RFX1: variants seen among roughly 807,000 people sequenced by gnomAD.
RFX1 encodes the protein regulatory factor X1, also known as MHC class II regulatory factor RFX1.
A neutral mutation model predicts 119.6 loss-of-function variants in RFX1; 42 were observed. The ratio of observed to expected loss-of-function variants is 0.35; its 90% CI spans 0.27 to 0.45. The LOEUF (loss-of-function observed/expected upper bound fraction) is 0.45, where lower values mean the gene tolerates loss of function less well. RFX1 is among the 20% of genes least tolerant of loss of function. The pLI is 1.00. For synonymous variants in RFX1, 628 were observed against 618.5 expected (o/e 1.02, Z -0.23); for missense variants, 1,118 against 1,368.1 (o/e 0.82, Z 2.88).
upstream of RFX1, chr19:14,006,801 C>G (rs1159378902): frequency 6.6e-6 from 1 of 152,282 alleles, no homozygotes; most frequent in Non-Finnish European, 1.5e-5. Context: ...CTCTCTCGCT[C>G]GGTGGGCCAG....
rs1272268887 is a variant in RFX1, at chr19:13,986,612, T to G, written c.320-3017A>C. On this transcript the variant is annotated intron_variant, in intron 2 of 20. Transcript: ENST00000254325. The surrounding 1 kb of genome is among the most constrained non-coding windows in gnomAD (Gnocchi z 4.2). ...CTGCGAGCGAGCGTCTGCATCTATCTGCCGGAGATCGCCACTCTGGGCATG... is the reference window on the plus strand; with the variant it reads ...CTGCGAGCGAGCGTCTGCATCTATCGGCCGGAGATCGCCACTCTGGGCATG... Among the ~76,000 whole-genome samples, 1 of 152,136 alleles carries G rather than the reference T, an allele frequency of 6.6e-6. No homozygotes were observed. The highest frequency in any genetic ancestry group is 6.5e-5 in the Admixed American group (1 of 15,282).
chr19:13,979,582 G>A (rs781629377), intron 6 of RFX1, 40 bp from the exon 7 acceptor site: 2 of 1,468,924 alleles, frequency 1.4e-6, no homozygotes, highest in Non-Finnish European at 1.9e-6. Context: ...CCATGGCAAC[G>A]ATGGCCGTCA....
intron 9 of RFX1, among the ~76,000 whole-genome samples, chr19:13,971,292 C>T (rs1044098230): frequency 3.3e-5 from 5 of 152,002 alleles, no homozygotes; most frequent in South Asian, 2.1e-4. Flanking sequence ...ACTGAGATTG[C>T]GCCACTGCAC....
At chr19:14,005,173 A>G (rs1382274723) in intron 1 of RFX1, among the ~76,000 whole-genome samples, 1 of 152,196 alleles carries the variant, frequency 6.6e-6, no homozygotes, top group Admixed American at 6.6e-5. Flanking sequence ...CAAACCAGGA[A>G]ACATCAGGTC....
At chr19:13,984,202 C>T (rs867107775) in intron 2 of RFX1, among the ~76,000 whole-genome samples, 29 of 152,058 alleles carry the variant, frequency 1.9e-4, no homozygotes, top group Non-Finnish European at 3.2e-4. Flanking sequence ...GAACATGGTG[C>T]TCATCCCCTC....
chr19:13,987,264 A>G (rs2145604712), intron 2 of RFX1, among the ~76,000 whole-genome samples: 1 of 151,986 alleles, frequency 6.6e-6, no homozygotes, highest in African/African-American at 2.4e-5. Context: ...CTCTGAGGAC[A>G]GGGATTTATG....
Position 13,979,432 on chromosome 19 carries a change from G to A in RFX1, c.834+15C>T, listed in dbSNP as rs753926015. ...CAGCCCCTTTGCCCGTGGGGTAGGAGGGGGAGACACACACCTCTTGAGCCA... is the reference window on the plus strand; with the variant it reads ...CAGCCCCTTTGCCCGTGGGGTAGGAAGGGGAGACACACACCTCTTGAGCCA... On this transcript the variant is annotated intron_variant, in intron 7 of 20. Coordinates refer to ENST00000254325, the MANE Select transcript of RFX1 (RefSeq NM_002918.5). 3.2e-6 allele frequency: 5 copies of A among 1,540,314 alleles called. No individual in the cohort carries two copies. In the African/African-American group the frequency reaches 6.9e-5, roughly 21 times the overall value.
rs1252102675 is a variant in RFX1 at position 13,985,361 on chromosome 19, G to T, written c.320-1766C>A. 6.6e-6 allele frequency among the ~76,000 whole-genome samples: 1 copy of T among 152,128 alleles called. No individual in the cohort carries two copies. Among genetic ancestry groups the T allele is most frequent in the Non-Finnish European group, 1.5e-5 (1 of 68,026 alleles). On this transcript the variant is annotated intron_variant, in intron 2 of 20. Transcript: ENST00000254325. This position sits in a 1 kb window ranked among gnomAD's most constrained non-coding sequence, Gnocchi z 4.3. ...CCAGCTAATTTTTGTGGTTTTAGTA[G>T]AGACGGGGTTTTGCCATGTTGGCCA...
intron 8 of RFX1, among the ~76,000 whole-genome samples, chr19:13,973,825 T>C (rs1282460307): frequency 6.6e-6 from 1 of 151,980 alleles, no homozygotes; most frequent in Non-Finnish European, 1.5e-5. Context: ...ACAGTTGGTG[T>C]TCCACCATGT....
At chr19:13,996,831 C>A (rs1042328833) in intron 1 of RFX1, among the ~76,000 whole-genome samples, 1 of 148,012 alleles carries the variant, frequency 6.8e-6, no homozygotes, top group African/African-American at 2.5e-5. Flanking sequence ...TCAAGTGATT[C>A]TCCTGCCTCA....
At chr19:13,982,575 G>A (rs1448275104) in intron 4 of RFX1, among the ~76,000 whole-genome samples, 5 of 152,122 alleles carry the variant, frequency 3.3e-5, no homozygotes, top group East Asian at 1.9e-4. Flanking sequence ...AGACTGAGGC[G>A]GGCAGATCAC....
At chr19:14,005,869 C>T (rs2145655792) in intron 1 of RFX1, among the ~76,000 whole-genome samples, 1 of 151,844 alleles carries the variant, frequency 6.6e-6, no homozygotes, top group South Asian at 2.1e-4. Context: ...TGCCGACCTC[C>T]ACTCGCCGCG....
chr19:13,997,783 G>A (rs1408088350), intron 1 of RFX1, among the ~76,000 whole-genome samples: 1 of 152,160 alleles, frequency 6.6e-6, no homozygotes, highest in Non-Finnish European at 1.5e-5. Context: ...GGCAGGATGA[G>A]AAGCCGTTTG....
Position 13,966,560 on chromosome 19 carries a change from T to C in RFX1, c.1852-30A>G. 1 of 1,539,240 alleles carries C rather than the reference T, an allele frequency of 6.5e-7. No individual in the cohort carries two copies. Among genetic ancestry groups the C allele is most frequent in the Non-Finnish European group, 8.8e-7 (1 of 1,132,276 alleles). On this transcript the variant is annotated intron_variant, in intron 13 of 20. Transcript: ENST00000254325. The surrounding 1 kb of genome is among the most constrained non-coding windows in gnomAD (Gnocchi z 6.3). The stretch of plus-strand genomic sequence containing the variant: ...GGCAGAGGCGGATGCTCAGGGAGGC[T>C]GGGGGGCAGCATGGCCCTCCCATGC...
chr19:13,999,044 T>C (rs1599523056), intron 1 of RFX1, among the ~76,000 whole-genome samples: 1 of 152,238 alleles, frequency 6.6e-6, no homozygotes. Context: ...TTCTCAGCAC[T>C]GTGATTGTCA....
At position 13,976,602 on chromosome 19, in the gene RFX1, C is replaced by T. The variant is rs370661631; in HGVS notation, c.929+1390G>A. 1.1e-4 allele frequency among the ~76,000 whole-genome samples: 16 copies of T among 152,286 alleles called. No homozygotes were observed. In the South Asian group the frequency reaches 3.3e-3, roughly 32 times the overall value. On this transcript the variant is annotated intron_variant, in intron 8 of 20. Transcript: ENST00000254325. ...TGCTGCATCTGCACAGGGGTTATTACACAGCAGCTAAGAGGGTGACCAGGA... is the reference window on the plus strand; with the variant it reads ...TGCTGCATCTGCACAGGGGTTATTATACAGCAGCTAAGAGGGTGACCAGGA...
rs117048985 is a variant in RFX1, at chr19:13,986,913, C to T, written c.320-3318G>A. 4.5e-3 allele frequency among the ~76,000 whole-genome samples: 685 copies of T among 152,298 alleles called. 2 individuals carry two copies. Among genetic ancestry groups the T allele is most frequent in the Admixed American group, 9.4e-3 (144 of 15,308 alleles). ...CAGATGGGGCCACCTGACCCTCTGCCTCCTGCCCCTGGGCTCCCTGGGATG... is the reference window on the plus strand; with the variant it reads ...CAGATGGGGCCACCTGACCCTCTGCTTCCTGCCCCTGGGCTCCCTGGGATG... On this transcript the variant is annotated intron_variant, in intron 2 of 20. Coordinates refer to ENST00000254325, the MANE Select transcript of RFX1 (RefSeq NM_002918.5). This position sits in a 1 kb window ranked among gnomAD's most constrained non-coding sequence, Gnocchi z 4.2.
In RFX1 at chr19:13,986,687, T is replaced by C. The variant is rs532399996; in HGVS notation, c.320-3092A>G. ...CTGTCTCAGGAAACGGCGGCCGATT[T>C]CCTGTCTCTGAATCTGACACATTAA... On this transcript the variant is annotated intron_variant, in intron 2 of 20. Transcript: ENST00000254325. The surrounding 1 kb of genome is among the most constrained non-coding windows in gnomAD (Gnocchi z 4.2). Among the ~76,000 whole-genome samples the C allele has an allele frequency of 1.3e-5, 2 of 152,270 alleles. No homozygotes were observed. The highest frequency in any genetic ancestry group is 4.8e-5 in the African/African-American group (2 of 41,550).
chr19:13,978,251 G>C (rs1018893087), intron 7 of RFX1, among the ~76,000 whole-genome samples, 165 bp from the exon 8 acceptor site: 2 of 152,334 alleles, frequency 1.3e-5, no homozygotes, highest in Middle Eastern at 3.4e-3. Flanking sequence ...CCAGGGCTGG[G>C]AATCAGGAAG....
Sources: allele counts gnomAD v4.1 joint callset (sites outside exome capture counted in the v4.1 genomes callset), GRCh38; gene constraint gnomAD v4.1.1; non-coding constraint Gnocchi (gnomAD v3.1); transcripts MANE v1.5; gene names NCBI Gene and HGNC (gene_info 2026-07-23, HGNC 2026-07-21).